Variants in ATP2B3 observed in about 807,000 individuals in gnomAD.
The protein encoded by ATP2B3 is plasma membrane calcium-transporting ATPase 3.
A neutral mutation model predicts 70.8 loss-of-function variants in ATP2B3; 12 were observed. The observed-to-expected ratio is 0.17, with a 90% CI of 0.11 to 0.27. The LOEUF is 0.27. Among genes scored for constraint, ATP2B3 ranks in the 10% least tolerant of loss-of-function variants. The probability of loss-of-function intolerance (pLI) is 1.00; values close to 1 mark genes in which losing one functional copy is unlikely to be tolerated. For synonymous variants in ATP2B3, 460 were observed against 497.8 expected (o/e 0.92, Z 1.01); for missense variants, 858 against 1,118.5 (o/e 0.77, Z 3.32).
In ATP2B3 at chrX:153,565,063, A is replaced by G. The variant is rs781839744; in HGVS notation, c.3302A>G (p.Gln1101Arg). The G allele has an allele frequency of 1.0e-5, 12 of 1,198,553 alleles. No homozygotes were observed. Among genetic ancestry groups the G allele is most frequent in the South Asian group, 3.6e-5 (2 of 54,887 alleles). ...GCCGAGCGGGAGCTCCGCAGGGGCCAGATCCTCTGGTTCCGGGGCCTGAAC... is the reference window on the plus strand; with the variant it reads ...GCCGAGCGGGAGCTCCGCAGGGGCCGGATCCTCTGGTTCCGGGGCCTGAAC... ...DHAERELRRG[Q>R]ILWFRGLNRI... Residue 1101 changes from glutamine to arginine, a missense_variant, in exon 21 of 22, where the codon CAG (glutamine) becomes CGG (arginine). Around this residue, in one of 5 missense-constraint regions of ATP2B3, gnomAD observed 265 missense variants for 305.3 expected, o/e 0.87. Transcript: ENST00000263519.
intron 12 of ATP2B3, among the ~76,000 whole-genome samples, chrX:153,551,440 A>G (rs1305828459): frequency 1.8e-5 from 2 of 112,050 alleles, no homozygotes; most frequent in Non-Finnish European, 3.8e-5. Context: ...GTTGGGCTGT[A>G]ACATTTTTTC....
intron 3 of ATP2B3, among the ~76,000 whole-genome samples, chrX:153,538,853 AGCAAGGCTACAGCT>A (rs2090235347): frequency 8.8e-6 from 1 of 113,171 alleles, no homozygotes; most frequent in African/African-American, 3.2e-5. Context: ...AGGAGAAACG[AGCAAGGCTACAGCT>A]GCAAGGGCAG....
At chrX:153,579,859 C>G (rs781838857) in intron 21 of ATP2B3, 119 bp from the exon 22 acceptor site, 1 of 637,177 alleles carries the variant, frequency 1.6e-6, no homozygotes, top group Non-Finnish European at 2.4e-6. Flanking sequence ...CAGCACCAGC[C>G]GGCCACTGAC....
chrX:153,557,882 G>GCCC (rs368811197), intron 16 of ATP2B3, among the ~76,000 whole-genome samples: 7 of 87,510 alleles, frequency 8.0e-5, no homozygotes, highest in Non-Finnish European at 1.2e-4. Context: ...TATGAGCAAA[G>GCCC]CCCCCCCCCC....
rs1370294270 is a variant in ATP2B3, at chrX:153,563,122, C to A, written c.3159+880C>A. Among the ~76,000 whole-genome samples, 3 of 101,035 alleles carry A rather than the reference C, an allele frequency of 3.0e-5. No individual in the cohort carries two copies. In the Middle Eastern group the frequency reaches 0.015, roughly 500 times the overall value. The allele number at this position is 101,035 out of a possible 115,157, so 87.7% of individuals were successfully genotyped here. ...CTGGAGAGCACAGTTCAGTCCATAG[C>A]ATTCTGGCTTTTCCTTTTTTTTTTT... is the stretch of plus-strand genomic sequence containing the variant. On this transcript the variant is annotated intron_variant, in intron 20 of 21. Coordinates refer to ENST00000263519, the MANE Select transcript of ATP2B3 (RefSeq NM_001001344.3).
intron 2 of ATP2B3, among the ~76,000 whole-genome samples, chrX:153,525,278 G>A (rs1189318910): frequency 3.6e-5 from 4 of 112,347 alleles, no homozygotes; most frequent in East Asian, 5.6e-4. Flanking sequence ...ACCCTGAACC[G>A]GGTTAAGGCG....
chrX:153,554,550 GC>G (rs2090507049), intron 13 of ATP2B3, among the ~76,000 whole-genome samples: 1 of 112,923 alleles, frequency 8.9e-6, no homozygotes, highest in African/African-American at 3.2e-5. Context: ...AGACTGGCCA[GC>G]CTGGTGGTGG....
At chrX:153,518,675 G>A (rs2089912614) in intron 2 of ATP2B3, among the ~76,000 whole-genome samples, 124 bp downstream of exon 2, 2 of 111,005 alleles carry the variant, frequency 1.8e-5, no homozygotes, top group Non-Finnish European at 3.8e-5. Flanking sequence ...TGGGAGGCAG[G>A]GCAGGGGCAT....
intron 7 of ATP2B3, among the ~76,000 whole-genome samples, chrX:153,543,980 G>C (rs927274294): frequency 8.9e-6 from 1 of 112,934 alleles, no homozygotes; most frequent in Non-Finnish European, 1.9e-5. Flanking sequence ...GTCAGGGCCC[G>C]GGGAAAAGGT....
At chrX:153,538,709 G>A (rs928992579) in intron 3 of ATP2B3, among the ~76,000 whole-genome samples, 3 of 113,304 alleles carry the variant, frequency 2.6e-5, no homozygotes, top group African/African-American at 9.6e-5. Flanking sequence ...CCCATGCCCT[G>A]GACCTGGACT....
chrX:153,580,483 C>T lies in ATP2B3; in HGVS notation c.*185C>T, dbSNP rs2090910579. 2.3e-6 allele frequency: 1 copy of T among 439,130 alleles called. No individual in the cohort carries two copies. Among genetic ancestry groups the T allele is most frequent in the Non-Finnish European group, 3.9e-6 (1 of 259,619 alleles). 36.2% of individuals were successfully genotyped at this position (439,130 alleles called of 1,213,427 possible). On this transcript the variant is annotated 3_prime_UTR_variant, in exon 22 of 22. Transcript: ENST00000263519. The stretch of plus-strand genomic sequence containing the variant: ...CCAAATCCATTCAACAAGGGTGCAG[C>T]CTGCCACAGGCTCCTCATCCGGACT...
rs2124414236 is a variant in ATP2B3 at position 153,542,380 on chromosome X, A to G, written c.722A>G (p.Glu241Gly). 4.1e-6 allele frequency: 5 copies of G among 1,211,769 alleles called. No homozygotes were observed. Among genetic ancestry groups the G allele is most frequent in the Non-Finnish European group, 5.6e-6 (5 of 895,554 alleles). The stretch of plus-strand genomic sequence containing the variant: ...CAGGCCAATGACCTCAAGATCGACG[A>G]GAGCTCCCTGACGGGCGAGTCTGAC... ...LIQANDLKID[E>G]SSLTGESDHV... The change falls in exon 6 of 22, where the codon GAG becomes GGG. Residue 241 changes from glutamate to glycine, a missense_variant. Glu to Gly is a moderately conservative substitution (Grantham distance 98). Transcript: ENST00000263519.
intron 21 of ATP2B3, among the ~76,000 whole-genome samples, chrX:153,577,829 A>G (rs7886876): frequency 2.2e-4 from 24 of 111,048 alleles, no homozygotes; most frequent in African/African-American, 7.9e-4. Context: ...TCTGTTGCCC[A>G]GGTTGGTCTC....
At chrX:153,520,232 A>G (rs4898395) in intron 2 of ATP2B3, among the ~76,000 whole-genome samples, 1,963 of 112,528 alleles carry the variant, frequency 0.017, 45 homozygotes, top group South Asian at 0.14. Context: ...TCAGCCGTGG[A>G]GGACCCTCTG....
intron 20 of ATP2B3, among the ~76,000 whole-genome samples, chrX:153,563,725 G>T (rs1314708202): frequency 8.9e-6 from 1 of 112,606 alleles, no homozygotes; most frequent in Non-Finnish European, 1.9e-5. Context: ...CAGGCCACTG[G>T]CCTTCTGGTC....
intron 21 of ATP2B3, among the ~76,000 whole-genome samples, chrX:153,571,337 C>G (rs1483901533): frequency 1.8e-5 from 2 of 112,520 alleles, no homozygotes; most frequent in African/African-American, 6.5e-5. Context: ...CTCCCTCCCC[C>G]TTGACTTCCT....
intron 21 of ATP2B3, among the ~76,000 whole-genome samples, chrX:153,576,881 C>T (rs899087189): frequency 1.8e-5 from 2 of 112,178 alleles, no homozygotes; most frequent in Non-Finnish European, 3.8e-5. Flanking sequence ...TCCCAGGAAT[C>T]GACTGCATCC....
At position 153,553,102 on chromosome X, in the gene ATP2B3, G is replaced by A; in HGVS notation, c.1891G>A (p.Val631Met). ...TCGGCCTCGGGACCGGGACGACATG[G>A]TGAGGAAGATCATCGAGCCGATGGC... Reference protein sequence around the residue: ...GFRPRDRDDMVRKIIEPMACD... With the variant: ...GFRPRDRDDMMRKIIEPMACD... The change falls in exon 13 of 22, where the codon GTG (valine) becomes ATG (methionine). Residue 631 changes from valine (V) to methionine (M), a missense_variant. Around this residue, in one of 5 missense-constraint regions of ATP2B3, gnomAD observed 242 missense variants for 281.3 expected, o/e 0.86. Coordinates refer to ENST00000263519, the MANE Select transcript of ATP2B3 (RefSeq NM_001001344.3). 8.3e-7 allele frequency: 1 copy of A among 1,210,024 alleles called. No individual in the cohort carries two copies. The highest frequency in any genetic ancestry group is 1.8e-5 in the South Asian group (1 of 56,980).
At chrX:153,545,096 G>GC (rs1207252659) in intron 7 of ATP2B3, among the ~76,000 whole-genome samples, 83 of 112,992 alleles carry the variant, frequency 7.3e-4, no homozygotes, top group African/African-American at 2.6e-3. Flanking sequence ...TAGGGTCGGG[G>GC]GGGGGGCCCT....
Sources: gnomAD v4.1 joint callset for allele counts (sites outside exome capture counted in the v4.1 genomes callset) on GRCh38, gnomAD v4.1.1 for gene constraint, gnomAD v4.1.1 regional missense constraint, MANE v1.5 for transcripts, NCBI Gene and HGNC (gene_info 2026-07-23, HGNC 2026-07-21) for gene names.